VAPB: variants seen among roughly 807,000 people sequenced by gnomAD.
VAPB encodes the protein vesicle-associated membrane protein-associated protein B/C.
A neutral mutation model predicts 25.6 loss-of-function variants in VAPB; 7 were observed. The observed-to-expected ratio is 0.27, with a 90% CI of 0.16 to 0.51. The LOEUF is 0.51. Ranked by LOEUF, VAPB falls within the 20% of genes least tolerant of loss-of-function variation. The probability of loss-of-function intolerance (pLI) is 0.97; values close to 1 mark genes in which losing one functional copy is unlikely to be tolerated. For missense variants in VAPB, 266 were observed against 301.3 expected (o/e 0.88, Z 0.87); for synonymous variants, 112 against 109.2 (o/e 1.03, Z -0.16).
chr20:58,436,992 CTTTT>C (rs34944837), intron 3 of VAPB, among the ~76,000 whole-genome samples: 14 of 77,432 alleles, frequency 1.8e-4, no homozygotes, highest in Admixed American at 3.2e-4. Context: ...AAACTTTGAA[CTTTT>C]TTTTTTTTTT....
intron 1 of VAPB, among the ~76,000 whole-genome samples, chr20:58,412,966 C>G (rs1195715912): frequency 6.6e-6 from 1 of 152,110 alleles, no homozygotes; most frequent in African/African-American, 2.4e-5. Flanking sequence ...ATGACATTTT[C>G]AACACCTGGA....
chr20:58,402,841 C>T (rs1369574161), intron 1 of VAPB, among the ~76,000 whole-genome samples: 4 of 152,114 alleles, frequency 2.6e-5, no homozygotes, highest in African/African-American at 9.7e-5. Flanking sequence ...CCCATCTCTA[C>T]TAAAAATACA....
intron 1 of VAPB, among the ~76,000 whole-genome samples, chr20:58,389,767 C>T (rs1397382036): frequency 6.6e-6 from 1 of 152,216 alleles, no homozygotes; most frequent in Non-Finnish European, 1.5e-5. Flanking sequence ...CCTCCTGGGA[C>T]TTGCCTTCGA....
In VAPB at chr20:58,450,024, C is replaced by G. The variant is rs867023811; in HGVS notation, c.*5789C>G. The G allele has an allele frequency of 1.3e-5, 6 of 453,766 alleles. No individual in the cohort carries two copies. Among genetic ancestry groups the G allele is most frequent in the Non-Finnish European group, 2.6e-5 (6 of 226,782 alleles). 28.1% of individuals were successfully genotyped at this position (453,766 alleles called of 1,614,324 possible). A position where few individuals can be genotyped will look rare whatever the true frequency, so the allele number is the denominator to read the frequency against. On this transcript the variant is annotated 3_prime_UTR_variant, in exon 6 of 6. Coordinates refer to ENST00000475243, the MANE Select transcript of VAPB (RefSeq NM_004738.5). ...TCCAGGCTTAGTGCTAACAAGATTG[C>G]GGGGCTTTTTAGGGTTTAAGAAGAT...
intron 1 of VAPB, among the ~76,000 whole-genome samples, chr20:58,408,681 C>T (rs919061703): frequency 2.0e-5 from 3 of 152,008 alleles, no homozygotes; most frequent in Admixed American, 6.5e-5. Flanking sequence ...ACACAGTGAG[C>T]ATTTTTAATA....
At chr20:58,394,851 A>G (rs907721375) in intron 1 of VAPB, among the ~76,000 whole-genome samples, 1 of 152,196 alleles carries the variant, frequency 6.6e-6, no homozygotes, top group Non-Finnish European at 1.5e-5. Context: ...ATTACCTGGG[A>G]GCTTTTCATC....
At chr20:58,400,861 AAT>A (rs954154076) in intron 1 of VAPB, among the ~76,000 whole-genome samples, 3 of 152,240 alleles carry the variant, frequency 2.0e-5, no homozygotes, top group Non-Finnish European at 4.4e-5. Flanking sequence ...TTGGCATGTA[AAT>A]ATATCCTGAT....
In VAPB at chr20:58,448,851, G is replaced by T; in HGVS notation, c.*4616G>T. On this transcript the variant is annotated 3_prime_UTR_variant, in exon 6 of 6. Transcript: ENST00000475243. Reference sequence around the variant, plus strand: ...GCTGATGCTCCTGGAGAATGACTTTGGGGGCTTTAGAAAGAATATTGCCAG... The same window carrying T: ...GCTGATGCTCCTGGAGAATGACTTTTGGGGCTTTAGAAAGAATATTGCCAG... 1 of 454,086 alleles carries T rather than the reference G, an allele frequency of 2.2e-6. No individual in the cohort carries two copies. Among genetic ancestry groups the T allele is most frequent in the Non-Finnish European group, 4.4e-6 (1 of 226,798 alleles). 28.1% of individuals were successfully genotyped at this position (454,086 alleles called of 1,614,324 possible).
In VAPB at chr20:58,389,499, C is replaced by T; in HGVS notation, c.40C>T (p.His14Tyr). Reference protein sequence around the residue: ...VEQVLSLEPQHELKFRGPFTD... With the variant: ...VEQVLSLEPQYELKFRGPFTD... Reference sequence around the variant, plus strand: ...GCAGGTCCTGAGCCTCGAGCCGCAGCACGAGCTCAAATTCCGAGGTAAGCC... The same window carrying T: ...GCAGGTCCTGAGCCTCGAGCCGCAGTACGAGCTCAAATTCCGAGGTAAGCC... The change falls in exon 1 of 6, where the codon CAC becomes TAC. Residue 14 changes from histidine (H) to tyrosine (Y), a missense_variant. Transcript: ENST00000475243. The T allele has an allele frequency of 1.3e-6, 2 of 1,593,222 alleles. No individual in the cohort carries two copies. The highest frequency in any genetic ancestry group is 8.5e-7 in the Non-Finnish European group (1 of 1,170,884).
intron 3 of VAPB, among the ~76,000 whole-genome samples, chr20:58,435,943 T>G (rs1169411779): frequency 6.6e-6 from 1 of 152,230 alleles, no homozygotes; most frequent in East Asian, 1.9e-4. Context: ...CTTGGGTGTT[T>G]TCGAGCTGAG....
chr20:58,438,551 T>C (rs1366056237), intron 3 of VAPB, among the ~76,000 whole-genome samples: 1 of 152,232 alleles, frequency 6.6e-6, no homozygotes, highest in Admixed American at 6.5e-5. Flanking sequence ...AGTGCTGGGA[T>C]TACAGGCATA....
In VAPB at chr20:58,445,579, T is replaced by C. The variant is rs780099644; in HGVS notation, c.*1344T>C. On this transcript the variant is annotated 3_prime_UTR_variant, in exon 6 of 6. Transcript: ENST00000475243. ...TCTTTTGTCATTTTGTCACATTTGC[T>C]CTATGGGGGGAATTATTATTTTATC... 4 of 454,238 alleles carry C rather than the reference T, an allele frequency of 8.8e-6. No individual in the cohort carries two copies. Among genetic ancestry groups the C allele is most frequent in the South Asian group, 1.6e-5 (1 of 64,398 alleles). The allele number at this position is 454,238 out of a possible 1,614,324, so 28.1% of individuals were successfully genotyped here.
rs1409239341 is a variant in VAPB at position 58,448,438 on chromosome 20, T to TA, written c.*4203_*4204insA. 5 of 454,014 alleles carry TA rather than the reference T, an allele frequency of 1.1e-5. No individual in the cohort carries two copies. Among genetic ancestry groups the TA allele is most frequent in the Non-Finnish European group, 2.2e-5 (5 of 226,798 alleles). 28.1% of individuals were successfully genotyped at this position (454,014 alleles called of 1,614,324 possible). ...ACCTGTATAGAACATTTCCAATACA[T>TA]TCGCTCATTGAACTTAATCCTTGCA... is the stretch of plus-strand genomic sequence containing the variant. On this transcript the variant is annotated 3_prime_UTR_variant, in exon 6 of 6. Transcript: ENST00000475243.
At chr20:58,442,131 C>T (rs1029305985) in intron 5 of VAPB, among the ~76,000 whole-genome samples, 4 of 152,210 alleles carry the variant, frequency 2.6e-5, no homozygotes, top group African/African-American at 9.6e-5. Context: ...GTTTGCTAAA[C>T]ACCTCTAAGG....
At chr20:58,417,085 AAAGAC>A (rs1487674898) in intron 1 of VAPB, among the ~76,000 whole-genome samples, 3 of 152,248 alleles carry the variant, frequency 2.0e-5, no homozygotes, top group South Asian at 2.1e-4. Context: ...TTGCAAATGC[AAAGAC>A]AAGAGTAAAG....
intron 1 of VAPB, among the ~76,000 whole-genome samples, chr20:58,395,539 G>C (rs1204039334): frequency 6.6e-6 from 1 of 152,178 alleles, no homozygotes; most frequent in East Asian, 1.9e-4. Context: ...CTTTCAACTA[G>C]ATGACAAGAA....
Position 58,413,719 on chromosome 20 carries a change from C to T in VAPB, c.59-4492C>T, listed in dbSNP as rs71368140. ...GGGGCTCCTCACTTCCCAGTAGGGG[C>T]GGCCGGGCAGAGGCGCCCGTCACCT... is the stretch of plus-strand genomic sequence containing the variant. On this transcript the variant is annotated intron_variant, in intron 1 of 5. Coordinates refer to ENST00000475243, the MANE Select transcript of VAPB (RefSeq NM_004738.5). Among the ~76,000 whole-genome samples, 179 of 151,970 alleles carry T rather than the reference C, an allele frequency of 1.2e-3. 2 individuals are homozygous for T. The highest frequency in any genetic ancestry group is 4.2e-3 in the African/African-American group (175 of 41,512).
chr20:58,419,357 T>C (rs1420890336), intron 2 of VAPB, among the ~76,000 whole-genome samples: 1 of 150,876 alleles, frequency 6.6e-6, no homozygotes, highest in Admixed American at 6.6e-5. Context: ...TCTCTCTCAT[T>C]ATGGTGCACC....
intron 1 of VAPB, among the ~76,000 whole-genome samples, chr20:58,414,401 G>A (rs1187803872): frequency 6.6e-6 from 1 of 150,736 alleles, no homozygotes; most frequent in Admixed American, 6.6e-5. Context: ...GGTGGCCGCC[G>A]GGCGGAGAGG....
Sources: gnomAD v4.1 joint callset for allele counts (sites outside exome capture counted in the v4.1 genomes callset) on GRCh38, gnomAD v4.1.1 for gene constraint, MANE v1.5 for transcripts, NCBI Gene and HGNC (gene_info 2026-07-23, HGNC 2026-07-21) for gene names.